The following CFH variants were observed in gnomAD, a reference collection of about 807,000 sequenced individuals.
CFH encodes the protein complement factor H, also known as H factor 1 (complement).
A neutral mutation model predicts 147.3 loss-of-function variants in CFH; 53 were observed. The ratio of observed to expected loss-of-function variants is 0.36; its 90% CI spans 0.29 to 0.45. CFH has a LOEUF of 0.45. CFH is among the 20% of genes least tolerant of loss of function. The probability of loss-of-function intolerance (pLI) is 1.00; values close to 1 mark genes in which losing one functional copy is unlikely to be tolerated. For missense variants in CFH, 1,380 were observed against 1,498.0 expected (o/e 0.92, Z 1.30); for synonymous variants, 536 against 489.4 (o/e 1.10, Z -1.26).
At chr1:196,709,422 ACT>A (rs1407549515) in intron 9 of CFH, among the ~76,000 whole-genome samples, 1 of 151,766 alleles carries the variant, frequency 6.6e-6, no homozygotes, top group East Asian at 1.9e-4. Context: ...TCTAATCCTG[ACT>A]CTCTCTCTGT....
At chr1:196,737,768 A>T in intron 17 of CFH, 108 bp downstream of exon 17, 6 of 760,198 alleles carry the variant, frequency 7.9e-6, no homozygotes, top group Non-Finnish European at 1.3e-5. Context: ...ATATAAAATA[A>T]TTTATATATT....
rs1206631549 is a variant in CFH at position 196,734,306 on chromosome 1, T to C, written c.2414-2518T>C. On this transcript the variant is annotated intron_variant, in intron 15 of 21. Transcript: ENST00000367429. Reference sequence around the variant, plus strand: ...CAGGAGGAGTTCATTTATGAATAGATGTTTTTTTAGGACATTCTTGGGTGG... The same window carrying C: ...CAGGAGGAGTTCATTTATGAATAGACGTTTTTTTAGGACATTCTTGGGTGG... Among the ~76,000 whole-genome samples, 4 of 152,214 alleles carry C rather than the reference T, an allele frequency of 2.6e-5. No individual in the cohort carries two copies. In the East Asian group the frequency reaches 7.7e-4, roughly 29 times the overall value.
intron 11 of CFH, among the ~76,000 whole-genome samples, chr1:196,717,873 C>G (rs1009630868): frequency 6.6e-6 from 1 of 152,018 alleles, no homozygotes; most frequent in African/African-American, 2.4e-5. Flanking sequence ...GGCAACAGGA[C>G]TGCTTACAAC....
intron 1 of CFH, among the ~76,000 whole-genome samples, chr1:196,655,670 C>A (rs1017731260): frequency 1.3e-5 from 2 of 152,182 alleles, no homozygotes; most frequent in East Asian, 3.9e-4. Flanking sequence ...CTCCTCCTCC[C>A]CACACACACC....
chr1:196,669,000 G>A (rs1667188942), intron 1 of CFH, among the ~76,000 whole-genome samples: 1 of 152,154 alleles, frequency 6.6e-6, no homozygotes, highest in Admixed American at 6.5e-5. Context: ...CTAGAGACTT[G>A]TTGAATGCTT....
intron 1 of CFH, among the ~76,000 whole-genome samples, chr1:196,660,035 T>C (rs1180668702): frequency 1.3e-5 from 2 of 152,060 alleles, no homozygotes; most frequent in Non-Finnish European, 2.9e-5. Context: ...GGAGGTAAAG[T>C]AGGGCCTAAG....
At chr1:196,656,441 A>G (rs1041307595) in intron 1 of CFH, among the ~76,000 whole-genome samples, 5 of 152,152 alleles carry the variant, frequency 3.3e-5, no homozygotes, top group African/African-American at 1.2e-4. Flanking sequence ...CAAATGTTAG[A>G]GTTTCCTGGG....
intron 9 of CFH, chr1:196,700,740 C>A: frequency 1.3e-6 from 1 of 777,754 alleles, no homozygotes; most frequent in Non-Finnish European, 1.6e-6. Flanking sequence ...GCCCCCATGC[C>A]ACTGGGGCTG....
intron 9 of CFH, among the ~76,000 whole-genome samples, chr1:196,704,591 G>A (rs1000345545): frequency 6.6e-6 from 1 of 152,192 alleles, no homozygotes; most frequent in Non-Finnish European, 1.5e-5. Context: ...GGGCAGATGG[G>A]AGGCCAGGGA....
At chr1:196,673,653 A>T (rs1165640226) in intron 2 of CFH, among the ~76,000 whole-genome samples, 1 of 152,088 alleles carries the variant, frequency 6.6e-6, no homozygotes, top group South Asian at 2.1e-4. Context: ...CATCATTTTC[A>T]AAAAGGGGTG....
intron 9 of CFH, among the ~76,000 whole-genome samples, chr1:196,691,221 G>T (rs1668012583): frequency 6.6e-6 from 1 of 151,734 alleles, no homozygotes; most frequent in South Asian, 2.1e-4. Flanking sequence ...GTTTAAAATA[G>T]AAAGTAAATA....
At position 196,692,758 on chromosome 1, in the gene CFH, C is replaced by CTTTTTG. The variant is rs1558163590; in HGVS notation, c.1336+2522_1336+2523insTTGTTT. Among the ~76,000 whole-genome samples, 97 of 20,926 alleles carry CTTTTTG rather than the reference C, an allele frequency of 4.6e-3. 2 individuals are homozygous for CTTTTTG. Among genetic ancestry groups the CTTTTTG allele is most frequent in the African/African-American group, 0.016 (68 of 4,182 alleles). 13.7% of individuals were successfully genotyped at this position (20,926 alleles called of 152,430 possible). On this transcript the variant is annotated intron_variant, in intron 9 of 21. Coordinates refer to ENST00000367429, the MANE Select transcript of CFH (RefSeq NM_000186.4). ...TCCCTTCCTTTCTTTTTCTTTCTTT[C>CTTTTTG]TTTCTTTCTTTCTTTCTTTCTTTCT...
At chr1:196,722,470 G>T (rs1669023021) in intron 11 of CFH, among the ~76,000 whole-genome samples, 1 of 152,038 alleles carries the variant, frequency 6.6e-6, no homozygotes, top group South Asian at 2.1e-4. Context: ...AGTCTTACGA[G>T]ATTTCCGTTA....
At chr1:196,666,056 CT>C (rs1335474732) in intron 1 of CFH, among the ~76,000 whole-genome samples, 3 of 152,324 alleles carry the variant, frequency 2.0e-5, no homozygotes, top group East Asian at 3.9e-4. Context: ...ACAAGAACAG[CT>C]TGATGGAGAT....
At chr1:196,677,731 C>A in intron 5 of CFH, 64 bp downstream of exon 5, 1 of 1,429,138 alleles carries the variant, frequency 7.0e-7, no homozygotes. Context: ...TTTAAAACAT[C>A]GTTCATTCTA....
intron 9 of CFH, among the ~76,000 whole-genome samples, chr1:196,705,376 G>A (rs986938343): frequency 1.3e-5 from 2 of 152,112 alleles, no homozygotes; most frequent in Non-Finnish European, 2.9e-5. Context: ...CAGCTGTGAG[G>A]GGTTTTTAGG....
chr1:196,720,667 G>A (rs1587325), intron 11 of CFH, among the ~76,000 whole-genome samples: 30,919 of 151,112 alleles, frequency 0.2, 3,629 homozygotes, highest in East Asian at 0.39. Context: ...GTATTCTATG[G>A]CATATATCTA....
intron 17 of CFH, among the ~76,000 whole-genome samples, chr1:196,738,043 G>A (rs529679691): frequency 3.9e-5 from 6 of 152,170 alleles, no homozygotes; most frequent in African/African-American, 7.2e-5. Context: ...AGAAGCAAAC[G>A]CATGAAGACA....
intron 9 of CFH, among the ~76,000 whole-genome samples, chr1:196,691,740 A>G (rs1482015183): frequency 3.3e-5 from 5 of 151,896 alleles, no homozygotes; most frequent in Admixed American, 3.3e-4. Context: ...CATTATGAAC[A>G]TAAGTTGCTC....
Sources: gnomAD v4.1 joint callset for allele counts (sites outside exome capture counted in the v4.1 genomes callset) on GRCh38, gnomAD v4.1.1 for gene constraint, MANE v1.5 for transcripts, NCBI Gene and HGNC (gene_info 2026-07-23, HGNC 2026-07-21) for gene names.